The following MYO16 variants were observed in gnomAD, a reference collection of about 807,000 sequenced individuals.
MYO16 encodes myosin XVI.
MYO16 carries 94 observed loss-of-function variants against 205.3 expected under a neutral mutation model. The observed-to-expected ratio is 0.46, with a 90% CI of 0.39 to 0.54. The LOEUF (loss-of-function observed/expected upper bound fraction) is 0.54, where lower values mean the gene tolerates loss of function less well. MYO16 is among the 20% of genes least tolerant of loss of function. MYO16 has a pLI of 0.00. For missense variants in MYO16, 2,315 were observed against 2,387.5 expected, an observed-to-expected ratio of 0.97 and a Z score of 0.63; for synonymous variants, 988 against 954.0, an observed-to-expected ratio of 1.04 and a Z score of -0.66.
At chr13:108,630,767 A>T (rs1594158036) in intron 1 of MYO16, among the ~76,000 whole-genome samples, 1 of 152,220 alleles carries the variant, frequency 6.6e-6, no homozygotes, top group African/African-American at 2.4e-5. Flanking sequence ...AAGGGAACAC[A>T]TGTGTTGAAT....
At chr13:108,582,093 A>C in the MYO16 span, among the ~76,000 whole-genome samples, 2,635 of 152,250 alleles carry the variant, frequency 0.017, 89 homozygotes, top group African/African-American at 0.061. Context: ...TTTTGCAGAA[A>C]TATGAAGAAA....
At chr13:108,716,285 T>C (rs1423897140) in intron 3 of MYO16, among the ~76,000 whole-genome samples, 1 of 152,184 alleles carries the variant, frequency 6.6e-6, no homozygotes, top group East Asian at 1.9e-4. Flanking sequence ...TAAAGATTCA[T>C]AAATGGTAGC....
chr13:109,106,068 C>T (rs1889115290), intron 28 of MYO16, among the ~76,000 whole-genome samples: 1 of 152,048 alleles, frequency 6.6e-6, no homozygotes, highest in Non-Finnish European at 1.5e-5. Flanking sequence ...AACTTGTTTG[C>T]AAAAAGGAAT....
chr13:108,655,747 C>A (rs1881215601), intron 1 of MYO16, among the ~76,000 whole-genome samples: 1 of 152,142 alleles, frequency 6.6e-6, no homozygotes, highest in Non-Finnish European at 1.5e-5. Flanking sequence ...CCTCTTGCAT[C>A]AATGTGACCT....
intron 14 of MYO16, among the ~76,000 whole-genome samples, chr13:108,891,302 A>T (rs1880161255): frequency 6.6e-6 from 1 of 152,112 alleles, no homozygotes. Flanking sequence ...TGCTTTTGTT[A>T]GATAGTGGGA....
chr13:109,151,241 C>G (rs370679406), intron 32 of MYO16, among the ~76,000 whole-genome samples: 1 of 152,246 alleles, frequency 6.6e-6, no homozygotes, highest in East Asian at 1.9e-4. Flanking sequence ...TCAACACAGC[C>G]GTCCACCATG....
chr13:109,140,553 G>A lies in MYO16; in HGVS notation c.4341G>A (p.Pro1447=), dbSNP rs779950390. 3 of 1,541,806 alleles carry A rather than the reference G, an allele frequency of 1.9e-6. No individual in the cohort carries two copies. The highest frequency in any genetic ancestry group is 1.4e-5 in the African/African-American group (1 of 71,694). The change falls in exon 32 of 35, where the codon CCG becomes CCA. Residue 1447 remains proline (P), a synonymous_variant. Transcript: ENST00000457511. The surrounding 1 kb of genome is among the most constrained non-coding windows in gnomAD (Gnocchi z 8.0). ...GGCACGCGGCCAGGCCCGATAGCCC[G>A]GACCCCGGGGAGTCCGTGTACGAGG... ...MLGHAARPDS[P]DPGESVYEEM...
At chr13:108,589,967 T>A in the MYO16 span, among the ~76,000 whole-genome samples, 11 of 152,228 alleles carry the variant, frequency 7.2e-5, no homozygotes, top group Non-Finnish European at 7.3e-5. Context: ...TTCTTTCATA[T>A]GTACTTTCCT....
At chr13:109,084,745 T>A (rs1205145869) in intron 27 of MYO16, among the ~76,000 whole-genome samples, 1 of 152,112 alleles carries the variant, frequency 6.6e-6, no homozygotes, top group African/African-American at 2.4e-5. Context: ...TTCCTTTTTT[T>A]TTATTCATGC....
chr13:108,851,283 A>C (rs1877847255), intron 10 of MYO16, among the ~76,000 whole-genome samples: 1 of 152,222 alleles, frequency 6.6e-6, no homozygotes, highest in African/African-American at 2.4e-5. Context: ...ATTTTTGTAC[A>C]TGCATACGTG....
At chr13:108,832,691 A>G (rs1876688633) in intron 9 of MYO16, among the ~76,000 whole-genome samples, 2 of 152,204 alleles carry the variant, frequency 1.3e-5, no homozygotes, top group Admixed American at 1.3e-4. Context: ...ATATTAAAGA[A>G]TATTAATGCA....
chr13:108,719,135 C>T (rs1257799180), intron 3 of MYO16, among the ~76,000 whole-genome samples: 6 of 152,054 alleles, frequency 3.9e-5, no homozygotes, highest in Non-Finnish European at 7.4e-5. Context: ...TATTAAGAAT[C>T]AGAACTCTTT....
At position 108,934,891 on chromosome 13, in the gene MYO16, A is replaced by G. The variant is rs184813995; in HGVS notation, c.1926-22797A>G. ...TTATTGAATTGGGAGTCCTTTCTCC[A>G]TTGTTTACTTTTGCTGACTTTGTTG... On this transcript the variant is annotated intron_variant, in intron 16 of 34. Transcript: ENST00000457511. 1.1e-3 allele frequency among the ~76,000 whole-genome samples: 167 copies of G among 152,114 alleles called. 1 individual carries two copies. The highest frequency in any genetic ancestry group is 1.8e-3 in the Non-Finnish European group (122 of 67,952).
Position 109,156,910 on chromosome 13 carries a change from C to T in MYO16, c.5165-7991C>T, listed in dbSNP as rs182330827. On this transcript the variant is annotated intron_variant, in intron 32 of 34. Transcript: ENST00000457511. ...TTCCTGAGAGATTTTTAAGTCTCTC[C>T]TAGCTGTTTCCTTTCCAGTCCTAAT... 1.8e-3 allele frequency among the ~76,000 whole-genome samples: 278 copies of T among 152,334 alleles called. 3 individuals are homozygous for T. Among genetic ancestry groups the T allele is most frequent in the African/African-American group, 5.1e-3 (214 of 41,564 alleles).
At chr13:108,564,991 T>G in the MYO16 span, among the ~76,000 whole-genome samples, 9 of 152,324 alleles carry the variant, frequency 5.9e-5, no homozygotes, top group Admixed American at 5.9e-4. Flanking sequence ...GCATTCTCTA[T>G]GCTCTTCCAT....
chr13:108,531,532 G>A, the MYO16 span, among the ~76,000 whole-genome samples: 1 of 152,024 alleles, frequency 6.6e-6, no homozygotes, highest in Non-Finnish European at 1.5e-5. Flanking sequence ...GGATGACCCT[G>A]TTTCTGATAT....
At chr13:108,739,013 T>A (rs985954225) in intron 4 of MYO16, among the ~76,000 whole-genome samples, 29 of 152,222 alleles carry the variant, frequency 1.9e-4, no homozygotes, top group Non-Finnish European at 4.4e-5. Context: ...CATCCCTTTG[T>A]TTTGAGCCTA....
At chr13:108,951,567 A>G (rs1883150715) in intron 16 of MYO16, among the ~76,000 whole-genome samples, 1 of 152,204 alleles carries the variant, frequency 6.6e-6, no homozygotes. Context: ...ATGTGATTTG[A>G]CACTTTAAGA....
chr13:108,825,368 C>G (rs953045202), intron 9 of MYO16, among the ~76,000 whole-genome samples: 11 of 151,714 alleles, frequency 7.3e-5, no homozygotes, highest in Admixed American at 6.6e-5. Context: ...AGTAAATAAA[C>G]TAAGAATGGC....
Sources: allele counts gnomAD v4.1 joint callset (sites outside exome capture counted in the v4.1 genomes callset), GRCh38; gene constraint gnomAD v4.1.1; non-coding constraint Gnocchi (gnomAD v3.1); transcripts MANE v1.5; gene names NCBI Gene and HGNC (gene_info 2026-07-23, HGNC 2026-07-21).